SHISA6: variants seen among roughly 807,000 people sequenced by gnomAD.
SHISA6 encodes the protein protein shisa-6.
Under a neutral mutation model 47.9 loss-of-function variants are expected in SHISA6, and 22 were observed. The ratio of observed to expected loss-of-function variants is 0.46; its 90% CI spans 0.33 to 0.66. SHISA6 has a LOEUF of 0.66. Among genes scored for constraint, SHISA6 ranks in the 30% least tolerant of loss-of-function variants. SHISA6 has a pLI of 0.02. For missense variants in SHISA6, 680 were observed against 764.6 expected (o/e 0.89, Z 1.30); for synonymous variants, 388 against 337.8 (o/e 1.15, Z -1.63).
At chr17:11,539,311 T>C (rs1470978639) in intron 3 of SHISA6, among the ~76,000 whole-genome samples, 1 of 152,230 alleles carries the variant, frequency 6.6e-6, no homozygotes, top group East Asian at 1.9e-4. Context: ...GCATTATTTG[T>C]ACCCCCCAAC....
At chr17:11,487,102 A>G (rs1461436928) in intron 3 of SHISA6, among the ~76,000 whole-genome samples, 1 of 152,234 alleles carries the variant, frequency 6.6e-6, no homozygotes, top group African/African-American at 2.4e-5. Context: ...CCCTTTACAG[A>G]AAAACATTTA....
At chr17:11,328,916 C>T (rs1911005873) in intron 2 of SHISA6, among the ~76,000 whole-genome samples, 1 of 152,096 alleles carries the variant, frequency 6.6e-6, no homozygotes, top group African/African-American at 2.4e-5. Flanking sequence ...TGCTGTGAGG[C>T]AGAGGGTGCA....
At chr17:11,369,982 C>T (rs1203908448) in intron 2 of SHISA6, among the ~76,000 whole-genome samples, 1 of 152,214 alleles carries the variant, frequency 6.6e-6, no homozygotes, top group Non-Finnish European at 1.5e-5. Context: ...ACTTAACAGT[C>T]AACACCTCCA....
chr17:11,370,119 G>A (rs1334208597), intron 2 of SHISA6, among the ~76,000 whole-genome samples: 1 of 152,152 alleles, frequency 6.6e-6, no homozygotes, highest in Non-Finnish European at 1.5e-5. Context: ...TGATGGCAGG[G>A]AGTAAGCAGA....
chr17:11,504,453 A>G (rs916410816), intron 3 of SHISA6, among the ~76,000 whole-genome samples: 1 of 152,100 alleles, frequency 6.6e-6, no homozygotes, highest in African/African-American at 2.4e-5. Context: ...AGGGAACTGA[A>G]CTCATTTAGA....
In SHISA6 at chr17:11,558,427, G is replaced by T; in HGVS notation, c.*123G>T. 1 of 1,176,258 alleles carries T rather than the reference G, an allele frequency of 8.5e-7. No homozygotes were observed. Among genetic ancestry groups the T allele is most frequent in the Non-Finnish European group, 1.2e-6 (1 of 856,346 alleles). The allele number at this position is 1,176,258 out of a possible 1,614,324, so 72.9% of individuals were successfully genotyped here. Reference sequence around the variant, plus strand: ...CTTGTCCCCTCTGTAGGAAGTGGGGGTGGGCCACCTTTGCCCAAAAAGCCA... The same window carrying T: ...CTTGTCCCCTCTGTAGGAAGTGGGGTTGGGCCACCTTTGCCCAAAAAGCCA... On this transcript the variant is annotated 3_prime_UTR_variant, in exon 6 of 6. Coordinates refer to ENST00000441885, the MANE Select transcript of SHISA6 (RefSeq NM_207386.4).
chr17:11,458,480 G>A (rs978994463), intron 3 of SHISA6, among the ~76,000 whole-genome samples: 7 of 152,122 alleles, frequency 4.6e-5, no homozygotes, highest in Non-Finnish European at 7.4e-5. Context: ...GATTTCTGTC[G>A]CCACGCTGTT....
intron 3 of SHISA6, among the ~76,000 whole-genome samples, chr17:11,526,656 G>T (rs1048564799): frequency 6.6e-6 from 1 of 152,170 alleles, no homozygotes; most frequent in South Asian, 2.1e-4. Flanking sequence ...CCCAATGATA[G>T]TTCCACGTTA....
chr17:11,551,237 A>C (rs1404231904), intron 3 of SHISA6, among the ~76,000 whole-genome samples: 1 of 152,236 alleles, frequency 6.6e-6, no homozygotes, highest in Non-Finnish European at 1.5e-5. Context: ...GGGTTTGGCA[A>C]CTGTAACTGT....
chr17:11,413,061 A>G (rs1417973000), intron 3 of SHISA6, among the ~76,000 whole-genome samples: 1 of 152,200 alleles, frequency 6.6e-6, no homozygotes, highest in Admixed American at 6.5e-5. Context: ...CCCAACTGTA[A>G]GAGCCCATAG....
rs1315963338 is a variant in SHISA6 at position 11,513,038 on chromosome 17, A to G, written c.896-38858A>G. Among the ~76,000 whole-genome samples the G allele has an allele frequency of 3.9e-5, 6 of 152,138 alleles. No individual in the cohort carries two copies. The East Asian group carries it at 9.6e-4, about 24-fold the overall frequency. On this transcript the variant is annotated intron_variant, in intron 3 of 5. Transcript: ENST00000441885. ...TATGTATTTTTAAGATTTTGAATAC[A>G]TATTACTTAATTTATTTTCAGAAAT...
intron 2 of SHISA6, among the ~76,000 whole-genome samples, chr17:11,325,060 G>T (rs1313926671): frequency 1.3e-5 from 2 of 152,144 alleles, no homozygotes; most frequent in African/African-American, 4.8e-5. Flanking sequence ...TCAAATATCT[G>T]TGAAAATCAT....
chr17:11,267,344 A>G (rs1028319165), intron 2 of SHISA6, among the ~76,000 whole-genome samples: 16 of 152,108 alleles, frequency 1.1e-4, no homozygotes, highest in Non-Finnish European at 1.0e-4. Context: ...TCTTCCTCAA[A>G]CCTACTGAAT....
chr17:11,444,038 G>A (rs1299622091), intron 3 of SHISA6, among the ~76,000 whole-genome samples: 1 of 152,108 alleles, frequency 6.6e-6, no homozygotes, highest in Non-Finnish European at 1.5e-5. Flanking sequence ...GGAAGGAGAG[G>A]CCAGGTGCGG....
chr17:11,428,187 T>C (rs1914654926), intron 3 of SHISA6, among the ~76,000 whole-genome samples: 1 of 152,234 alleles, frequency 6.6e-6, no homozygotes, highest in Non-Finnish European at 1.5e-5. Context: ...GTGAGTTAAC[T>C]TTCCCAGAGA....
intron 2 of SHISA6, among the ~76,000 whole-genome samples, chr17:11,291,892 CTATT>C (rs1191987172): frequency 2.6e-5 from 4 of 152,086 alleles, no homozygotes; most frequent in Admixed American, 6.5e-5. Flanking sequence ...CATTTTAAAA[CTATT>C]TATTTATTGT....
At chr17:11,307,420 G>T (rs185373474) in intron 2 of SHISA6, among the ~76,000 whole-genome samples, 1 of 152,186 alleles carries the variant, frequency 6.6e-6, no homozygotes, top group African/African-American at 2.4e-5. Flanking sequence ...CCAAAGCTGG[G>T]TTCCAGTGTC....
At chr17:11,316,412 TCTC>T in intron 2 of SHISA6, among the ~76,000 whole-genome samples, 1 of 66,998 alleles carries the variant, frequency 1.5e-5, no homozygotes, top group African/African-American at 5.6e-5. Context: ...TCTCTCTCTC[TCTC>T]TCTCTTTTTT....
intron 1 of SHISA6, among the ~76,000 whole-genome samples, chr17:11,243,578 A>C (rs1399082954): frequency 6.6e-6 from 1 of 152,152 alleles, no homozygotes; most frequent in African/African-American, 2.4e-5. Flanking sequence ...GACAAGTGGG[A>C]CGGTGAGCAA....
Sources: allele counts gnomAD v4.1 joint callset (sites outside exome capture counted in the v4.1 genomes callset), GRCh38; gene constraint gnomAD v4.1.1; transcripts MANE v1.5; gene names NCBI Gene and HGNC (gene_info 2026-07-23, HGNC 2026-07-21).